Variants in PCED1B observed in about 807,000 individuals in gnomAD.
The protein encoded by PCED1B is PC-esterase domain containing 1B, also known as PC-esterase domain-containing protein 1B.
For synonymous variants in PCED1B, 251 were observed against 246.1 expected, an observed-to-expected ratio of 1.02 and a Z score of -0.19; for missense variants, 573 against 573.9, an observed-to-expected ratio of 1.00 and a Z score of 0.02.
At chr12:47,192,449 T>TATG (rs1336323995) in intron 2 of PCED1B, among the ~76,000 whole-genome samples, 2 of 152,226 alleles carry the variant, frequency 1.3e-5, no homozygotes, top group African/African-American at 4.8e-5. Context: ...TCCTTTTGGA[T>TATG]ATGAGCTCAT....
intron 1 of PCED1B, among the ~76,000 whole-genome samples, chr12:47,088,116 A>G (rs1938076244): frequency 6.6e-6 from 1 of 152,242 alleles, no homozygotes; most frequent in African/African-American, 2.4e-5. Context: ...AAGTTGACTG[A>G]GATGAAACAT....
At position 47,162,262 on chromosome 12, in the gene PCED1B, TA is replaced by T. The variant is rs142460333; in HGVS notation, c.-525-53950del. ...TGTACCCTAAAACTTAAAGTATACTTAAAAAAAAAATAAAAGAAATACCTGA... is the reference window on the plus strand; with the variant it reads ...TGTACCCTAAAACTTAAAGTATACTTAAAAAAAAATAAAAGAAATACCTGA... On this transcript the variant is annotated intron_variant, in intron 2 of 3. Transcript: ENST00000546455. Among the ~76,000 whole-genome samples the T allele has an allele frequency of 1.5e-3, 218 of 149,314 alleles. No individual in the cohort carries two copies. In the East Asian group the frequency reaches 0.015, roughly 10 times the overall value.
intron 2 of PCED1B, among the ~76,000 whole-genome samples, chr12:47,162,228 T>A (rs1237885345): frequency 6.6e-6 from 1 of 151,930 alleles, no homozygotes; most frequent in Non-Finnish European, 1.5e-5. Flanking sequence ...AACCTGCACA[T>A]TGTGCACATG....
At chr12:47,124,154 C>T (rs1163157791) in intron 2 of PCED1B, among the ~76,000 whole-genome samples, 1 of 152,024 alleles carries the variant, frequency 6.6e-6, no homozygotes, top group Non-Finnish European at 1.5e-5. Flanking sequence ...AAAAAGTTCT[C>T]TCATGTCCCT....
At chr12:47,110,396 G>T (rs969370753) in intron 2 of PCED1B, among the ~76,000 whole-genome samples, 2 of 147,486 alleles carry the variant, frequency 1.4e-5, no homozygotes, top group Non-Finnish European at 1.5e-5. Context: ...ATAGGATTCA[G>T]CCAATCAATT....
chr12:47,178,307 C>G (rs775947608), intron 2 of PCED1B, among the ~76,000 whole-genome samples: 3 of 152,150 alleles, frequency 2.0e-5, no homozygotes, highest in Non-Finnish European at 2.9e-5. Flanking sequence ...CGGTGGATGC[C>G]ATGTGCTGAC....
At chr12:47,162,635 G>A (rs1941423469) in intron 2 of PCED1B, among the ~76,000 whole-genome samples, 1 of 152,146 alleles carries the variant, frequency 6.6e-6, no homozygotes, top group Non-Finnish European at 1.5e-5. Context: ...ATGCTACATG[G>A]TGAGAGAGGC....
chr12:47,220,289 G>A (rs867387151), intron 3 of PCED1B, among the ~76,000 whole-genome samples: 2 of 151,802 alleles, frequency 1.3e-5, no homozygotes, highest in South Asian at 4.2e-4. Context: ...CTCTTGCCTC[G>A]GCCTCCTGAA....
At chr12:47,086,643 A>T (rs910855161) in intron 1 of PCED1B, among the ~76,000 whole-genome samples, 3 of 152,234 alleles carry the variant, frequency 2.0e-5, no homozygotes, top group Non-Finnish European at 4.4e-5. Flanking sequence ...AAAACTATGC[A>T]TCTAGAATTA....
At chr12:47,205,040 T>C (rs1220356076) in intron 2 of PCED1B, among the ~76,000 whole-genome samples, 1 of 152,184 alleles carries the variant, frequency 6.6e-6, no homozygotes, top group African/African-American at 2.4e-5. Context: ...GTGTAACTCG[T>C]GCAGAGCCAC....
At chr12:47,111,591 C>T (rs1328196728) in intron 2 of PCED1B, among the ~76,000 whole-genome samples, 2 of 152,068 alleles carry the variant, frequency 1.3e-5, no homozygotes, top group East Asian at 1.9e-4. Context: ...CCTCCTAATT[C>T]TTCCCTACCC....
intron 2 of PCED1B, among the ~76,000 whole-genome samples, chr12:47,197,105 G>T (rs1942624469): frequency 6.7e-6 from 1 of 148,700 alleles, no homozygotes. Context: ...CAGACATGGT[G>T]GCGGGCACCT....
At chr12:47,192,662 A>G (rs1313967856) in intron 2 of PCED1B, among the ~76,000 whole-genome samples, 1 of 152,202 alleles carries the variant, frequency 6.6e-6, no homozygotes, top group African/African-American at 2.4e-5. Context: ...TGACTTTGAT[A>G]CATCATTGAG....
At chr12:47,080,365 C>T (rs1941972426) in intron 1 of PCED1B, among the ~76,000 whole-genome samples, 1 of 152,182 alleles carries the variant, frequency 6.6e-6, no homozygotes, top group African/African-American at 2.4e-5. Context: ...GCCAAGGAAT[C>T]CCCGGACCTC....
At chr12:47,161,438 G>T (rs1941374586) in intron 2 of PCED1B, among the ~76,000 whole-genome samples, 1 of 152,162 alleles carries the variant, frequency 6.6e-6, no homozygotes, top group African/African-American at 2.4e-5. Context: ...GGATATGTGT[G>T]ACTTTATGCT....
intron 2 of PCED1B, among the ~76,000 whole-genome samples, chr12:47,203,048 C>A (rs1244060224): frequency 6.6e-6 from 1 of 151,076 alleles, no homozygotes; most frequent in Non-Finnish European, 1.5e-5. Flanking sequence ...CAGCTCACTG[C>A]AACCTCTGTC....
intron 1 of PCED1B, among the ~76,000 whole-genome samples, chr12:47,088,853 A>G (rs1369477104): frequency 1.3e-5 from 2 of 152,184 alleles, no homozygotes; most frequent in Non-Finnish European, 2.9e-5. Context: ...AAAATTTTCC[A>G]TTCACTCAAT....
chr12:47,190,257 G>C (rs1033595475), intron 2 of PCED1B, among the ~76,000 whole-genome samples: 1 of 152,178 alleles, frequency 6.6e-6, no homozygotes, highest in South Asian at 2.1e-4. Context: ...GGTGCTGGTT[G>C]GTTCATAAAT....
At chr12:47,105,160 G>A (rs1938889940) in intron 2 of PCED1B, among the ~76,000 whole-genome samples, 1 of 152,144 alleles carries the variant, frequency 6.6e-6, no homozygotes, top group Admixed American at 6.6e-5. Context: ...CAGAGTTCAG[G>A]GAAAGCTCCT....
Sources: gnomAD v4.1 joint callset for allele counts (sites outside exome capture counted in the v4.1 genomes callset) on GRCh38, gnomAD v4.1.1 for gene constraint, MANE v1.5 for transcripts, NCBI Gene and HGNC (gene_info 2026-07-23, HGNC 2026-07-21) for gene names.